Variants in SLCO5A1 observed in about 807,000 individuals in gnomAD.
SLCO5A1 encodes the protein solute carrier organic anion transporter family member 5A1.
SLCO5A1 carries 39 observed loss-of-function variants against 65.1 expected under a neutral mutation model. The ratio of observed to expected loss-of-function variants is 0.60; its 90% confidence interval spans 0.46 to 0.78. The LOEUF is 0.78. Among genes scored for constraint, SLCO5A1 ranks in the 30% least tolerant of loss-of-function variants. The pLI is 0.00. For missense variants in SLCO5A1, 1,029 were observed against 1,069.4 expected (o/e 0.96, Z 0.53); for synonymous variants, 438 against 415.7 (o/e 1.05, Z -0.65).
chr8:69,833,021 G>A lies in SLCO5A1; in HGVS notation c.-348C>T, dbSNP rs566353059. The A allele has an allele frequency of 2.3e-5, 7 of 306,976 alleles. No homozygotes were observed. Among genetic ancestry groups the A allele is most frequent in the Middle Eastern group, 9.6e-4 (1 of 1,046 alleles). The allele number at this position is 306,976 out of a possible 1,614,324, so 19.0% of individuals were successfully genotyped here. A position where few individuals can be genotyped will look rare whatever the true frequency, so the allele number is the denominator to read the frequency against. On this transcript the variant is annotated 5_prime_UTR_variant, in exon 2 of 10. Transcript: ENST00000260126. ...CGCCGCCGCCGCCGCCGCCGCCGCTGGGCCCGCGGCCAGGAGCGAGTGCAC... is the reference window on the plus strand; with the variant it reads ...CGCCGCCGCCGCCGCCGCCGCCGCTAGGCCCGCGGCCAGGAGCGAGTGCAC...
At chr8:69,714,355 C>A (rs2933040) in intron 5 of SLCO5A1, among the ~76,000 whole-genome samples, 27,644 of 152,162 alleles carry the variant, frequency 0.18, 2,580 homozygotes, top group Non-Finnish European at 0.2. Context: ...GGAAAGGCAG[C>A]CTGCATGCGT....
chr8:69,690,960 A>G (rs951089892), intron 6 of SLCO5A1, among the ~76,000 whole-genome samples: 2 of 152,266 alleles, frequency 1.3e-5, no homozygotes, highest in African/African-American at 4.8e-5. Context: ...TCATCAGCAC[A>G]TAGCACTGGT....
intron 9 of SLCO5A1, among the ~76,000 whole-genome samples, chr8:69,674,960 A>C (rs955762710): frequency 1.3e-5 from 2 of 151,640 alleles, no homozygotes; most frequent in African/African-American, 4.8e-5. Flanking sequence ...GAAACACTTG[A>C]ACCCTAGAGG....
chr8:69,763,825 C>T (rs1035334762), intron 2 of SLCO5A1, among the ~76,000 whole-genome samples: 1 of 151,878 alleles, frequency 6.6e-6, no homozygotes, highest in Admixed American at 6.6e-5. Flanking sequence ...ACATTCCAAA[C>T]CTAATTTTTT....
chr8:69,744,569 C>G (rs1360902403), intron 4 of SLCO5A1, among the ~76,000 whole-genome samples: 5 of 152,204 alleles, frequency 3.3e-5, no homozygotes, highest in African/African-American at 7.2e-5. Context: ...CATGTGTTTA[C>G]CTGTCTGTTC....
intron 5 of SLCO5A1, among the ~76,000 whole-genome samples, chr8:69,715,870 G>T (rs1202667106): frequency 6.6e-6 from 1 of 152,074 alleles, no homozygotes; most frequent in African/African-American, 2.4e-5. Flanking sequence ...AAAGTGTACA[G>T]TTTAATGTTT....
Position 69,832,376 on chromosome 8 carries a change from C to T in SLCO5A1, c.298G>A (p.Asp100Asn), listed in dbSNP as rs200393256. Residue 100 changes from aspartate (D) to asparagine (N), a missense_variant, in exon 2 of 10, where the codon GAC becomes AAC. Around this residue, in one of 3 missense-constraint regions of SLCO5A1, gnomAD observed 647 missense variants for 647.5 expected, o/e 1.00. Transcript: ENST00000260126. The surrounding 1 kb of genome is among the most constrained non-coding windows in gnomAD (Gnocchi z 4.5). ...GACACCGAGAAGGTTTTGCTGAGGT[C>T]CACCCTGTGGTTACAGTCCCCGAGC... ...AGLGDCNHRVDLSKTFSVSSA... is the reference protein window; with the variant it reads ...AGLGDCNHRVNLSKTFSVSSA... The T allele has an allele frequency of 6.2e-7, 1 of 1,613,586 alleles. No homozygotes were observed. Among genetic ancestry groups the T allele is most frequent in the East Asian group, 2.2e-5 (1 of 44,874 alleles).
chr8:69,690,162 C>T (rs928449324), intron 6 of SLCO5A1, among the ~76,000 whole-genome samples: 31 of 152,322 alleles, frequency 2.0e-4, no homozygotes, highest in African/African-American at 7.0e-4. Flanking sequence ...TTCCGCCAAG[C>T]CCGTTCCCTT....
chr8:69,817,481 CA>C (rs1820454405), intron 2 of SLCO5A1, among the ~76,000 whole-genome samples: 1 of 152,174 alleles, frequency 6.6e-6, no homozygotes, highest in Non-Finnish European at 1.5e-5. Flanking sequence ...ACTCTGCTTT[CA>C]ATTATTTTGG....
At chr8:69,784,458 G>A (rs575447765) in intron 2 of SLCO5A1, among the ~76,000 whole-genome samples, 3 of 152,110 alleles carry the variant, frequency 2.0e-5, no homozygotes, top group Non-Finnish European at 4.4e-5. Context: ...TAAAAGTACA[G>A]CCATGATGGA....
At chr8:69,676,985 A>AT (rs1000183531) in intron 8 of SLCO5A1, among the ~76,000 whole-genome samples, 23 of 151,140 alleles carry the variant, frequency 1.5e-4, no homozygotes, top group Non-Finnish European at 3.1e-4. Flanking sequence ...AATCAGATCC[A>AT]TTTTTTTTTA....
Position 69,831,896 on chromosome 8 carries a change from G to A in SLCO5A1, c.778C>T (p.His260Tyr). Reference protein sequence around the residue: ...ACPKDSGGNNHWVYVALFICA... With the variant: ...ACPKDSGGNNYWVYVALFICA... ...ATGAATAAAGCCACGTAGACCCAGT[G>A]ATTATTTCCTCCCGAGTCCTTCGGA... Residue 260 changes from histidine to tyrosine, a missense_variant, in exon 2 of 10, where the codon CAC becomes TAC. His to Tyr is a moderately conservative substitution (Grantham distance 83). Transcript: ENST00000260126. 2 of 1,610,372 alleles carry A rather than the reference G, an allele frequency of 1.2e-6. No individual in the cohort carries two copies. The highest frequency in any genetic ancestry group is 4.5e-5 in the East Asian group (2 of 44,866).
At chr8:69,701,149 G>A (rs989864255) in intron 6 of SLCO5A1, among the ~76,000 whole-genome samples, 15 of 152,196 alleles carry the variant, frequency 9.9e-5, no homozygotes, top group African/African-American at 3.6e-4. Flanking sequence ...GTCATGTTGA[G>A]ATACTTTTTG....
intron 4 of SLCO5A1, among the ~76,000 whole-genome samples, chr8:69,743,288 T>G (rs1816879047): frequency 1.3e-5 from 2 of 152,234 alleles, no homozygotes. Flanking sequence ...TGTGAATATT[T>G]TATGCTCATT....
intron 5 of SLCO5A1, among the ~76,000 whole-genome samples, chr8:69,726,555 A>G (rs1816088674): frequency 7.0e-6 from 1 of 143,404 alleles, no homozygotes; most frequent in African/African-American, 2.7e-5. Context: ...GCTGGAGTGC[A>G]GTGGTGCGAT....
chr8:69,827,752 G>GT (rs1446584573), intron 2 of SLCO5A1, among the ~76,000 whole-genome samples: 10 of 152,180 alleles, frequency 6.6e-5, no homozygotes, highest in Non-Finnish European at 1.3e-4. Context: ...ATTGGGAAAG[G>GT]TCTCACATCA....
chr8:69,680,806 G>A (rs961818546), intron 7 of SLCO5A1, among the ~76,000 whole-genome samples: 1 of 152,114 alleles, frequency 6.6e-6, no homozygotes, highest in African/African-American at 2.4e-5. Context: ...CCCTATAGAA[G>A]AGCAACCAGC....
At chr8:69,815,514 C>G (rs1820366455) in intron 2 of SLCO5A1, among the ~76,000 whole-genome samples, 1 of 152,038 alleles carries the variant, frequency 6.6e-6, no homozygotes, top group Non-Finnish European at 1.5e-5. Context: ...TACAGCTCCT[C>G]TTGATGTCCA....
chr8:69,794,849 G>A (rs1408297689), intron 2 of SLCO5A1: 1 of 155,546 alleles, frequency 6.4e-6, no homozygotes, highest in African/African-American at 2.4e-5. Context: ...CAGCTTTAGG[G>A]TAGGCCTCAA....
Sources: allele counts gnomAD v4.1 joint callset (sites outside exome capture counted in the v4.1 genomes callset), GRCh38; gene constraint gnomAD v4.1.1; regional missense constraint gnomAD v4.1.1; non-coding constraint Gnocchi (gnomAD v3.1); transcripts MANE v1.5; gene names NCBI Gene and HGNC (gene_info 2026-07-23, HGNC 2026-07-21).